DOCK1: variants seen among roughly 807,000 people sequenced by gnomAD.
DOCK1 encodes the protein dedicator of cytokinesis protein 1.
In DOCK1, 138 loss-of-function variants were observed where a neutral mutation model predicts 262.7. The observed-to-expected ratio is 0.53, with a 90% confidence interval of 0.46 to 0.61. The LOEUF (loss-of-function observed/expected upper bound fraction) is 0.61, where lower values mean the gene tolerates loss of function less well. Among genes scored for constraint, DOCK1 ranks in the 20% least tolerant of loss-of-function variants. The pLI, the probability that DOCK1 is intolerant of heterozygous loss-of-function variation, is 0.00. For missense variants in DOCK1, 1,908 were observed against 2,370.7 expected (o/e 0.80, Z 4.05); for synonymous variants, 866 against 867.4 (o/e 1.00, Z 0.03).
At chr10:127,344,811 C>T (rs571878798) in intron 31 of DOCK1, among the ~76,000 whole-genome samples, 7 of 151,998 alleles carry the variant, frequency 4.6e-5, no homozygotes, top group African/African-American at 7.3e-5. Context: ...CAGTGCACCA[C>T]GATCATACCT....
intron 29 of DOCK1, among the ~76,000 whole-genome samples, chr10:127,304,225 C>T (rs949131650): frequency 6.6e-6 from 1 of 152,142 alleles, no homozygotes; most frequent in African/African-American, 2.4e-5. Flanking sequence ...AGTCGGGGAA[C>T]CTCTTCCATC....
At chr10:127,289,617 C>G (rs955412643) in intron 29 of DOCK1, among the ~76,000 whole-genome samples, 4 of 152,188 alleles carry the variant, frequency 2.6e-5, no homozygotes, top group African/African-American at 7.2e-5. Flanking sequence ...ACCTTTCCAA[C>G]CTATTATGTT....
intron 47 of DOCK1, 96 bp from the exon 48 acceptor site, chr10:127,433,187 C>G (rs1297754076): frequency 6.6e-6 from 10 of 1,515,184 alleles, no homozygotes; most frequent in Non-Finnish European, 9.0e-6. Flanking sequence ...ATGATGGTCT[C>G]GATTCCACAC....
intron 29 of DOCK1, among the ~76,000 whole-genome samples, chr10:127,275,265 C>A (rs1229711641): frequency 6.6e-6 from 1 of 151,120 alleles, no homozygotes; most frequent in Non-Finnish European, 1.5e-5. Flanking sequence ...AAAAAAAAAA[C>A]ACAGGAGAGA....
rs1039124597 is a variant in DOCK1, at chr10:127,439,006, C to A, written c.5061-21C>A. ...GAAAGCAATTGCTCTCCTATTAAGA[C>A]GTCATTGACCTTTCCTTTAGGTTTG... On this transcript the variant is annotated intron_variant, in intron 48 of 51. Transcript: ENST00000623213. The A allele has an allele frequency of 7.1e-6, 11 of 1,540,632 alleles. No homozygotes were observed. In the Admixed American group the frequency reaches 8.2e-5, roughly 11 times the overall value.
chr10:127,008,894 A>G (rs1256943202), intron 11 of DOCK1, 90 bp downstream of exon 11: 8 of 1,157,584 alleles, frequency 6.9e-6, no homozygotes, highest in African/African-American at 3.1e-5. Flanking sequence ...ATGGATAAAC[A>G]TAACTAAGGA....
At chr10:127,381,759 T>C (rs2065838057) in intron 37 of DOCK1, among the ~76,000 whole-genome samples, 1 of 152,192 alleles carries the variant, frequency 6.6e-6, no homozygotes, top group Admixed American at 6.5e-5. Flanking sequence ...CCCCTAATTG[T>C]CTTAGTAAAG....
At chr10:126,956,761 T>C (rs971546041) in intron 1 of DOCK1, among the ~76,000 whole-genome samples, 63 of 152,274 alleles carry the variant, frequency 4.1e-4, no homozygotes, top group African/African-American at 1.5e-3. Context: ...GTGTTGCTTG[T>C]CAGGGCACAG....
chr10:127,323,517 T>G (rs1311916423), intron 29 of DOCK1, among the ~76,000 whole-genome samples: 3 of 152,228 alleles, frequency 2.0e-5, no homozygotes, highest in Admixed American at 6.5e-5. Context: ...AGGGTACTTT[T>G]GTGTAACACC....
At chr10:127,247,324 G>A (rs1386591731) in intron 27 of DOCK1, among the ~76,000 whole-genome samples, 3 of 152,004 alleles carry the variant, frequency 2.0e-5, no homozygotes, top group African/African-American at 7.2e-5. Context: ...TTGACATTCT[G>A]ATGAGCCCAC....
At chr10:126,949,670 A>G (rs2036014395) in intron 1 of DOCK1, among the ~76,000 whole-genome samples, 1 of 152,154 alleles carries the variant, frequency 6.6e-6, no homozygotes, top group Non-Finnish European at 1.5e-5. Flanking sequence ...TAGGCGTTTG[A>G]CTGATGCAGG....
intron 29 of DOCK1, among the ~76,000 whole-genome samples, chr10:127,319,135 C>T (rs2062411092): frequency 2.0e-5 from 3 of 152,170 alleles, no homozygotes. Flanking sequence ...AAGGATAAAA[C>T]CAAGAGAGAT....
chr10:127,364,568 G>A (rs1489468206), intron 33 of DOCK1, among the ~76,000 whole-genome samples: 1 of 152,212 alleles, frequency 6.6e-6, no homozygotes, highest in African/African-American at 2.4e-5. Context: ...GTTTCACCAC[G>A]TTGGCCAGGA....
At chr10:127,037,846 G>GTT (rs772802621) in intron 19 of DOCK1, 30 bp downstream of exon 19, 2 of 1,401,388 alleles carry the variant, frequency 1.4e-6, no homozygotes, top group South Asian at 1.4e-5. Flanking sequence ...GACTTTTTGG[G>GTT]TCTTTTTTTT....
chr10:127,351,221 G>T (rs1000357383), intron 31 of DOCK1, among the ~76,000 whole-genome samples: 2 of 152,086 alleles, frequency 1.3e-5, no homozygotes, highest in Non-Finnish European at 2.9e-5. Context: ...CCTCCTAAGC[G>T]TAGGTTCTCC....
chr10:126,988,798 C>T (rs886207683), intron 5 of DOCK1, among the ~76,000 whole-genome samples: 4 of 152,110 alleles, frequency 2.6e-5, no homozygotes, highest in Non-Finnish European at 4.4e-5. Context: ...ATGGGCTGGG[C>T]GCAGTGGCTT....
chr10:127,195,907 G>A (rs2057099649), intron 27 of DOCK1: 1 of 152,250 alleles, frequency 6.6e-6, no homozygotes, highest in Non-Finnish European at 1.5e-5. Flanking sequence ...GCCCGAATCG[G>A]GGTCGGCGCC....
intron 27 of DOCK1, among the ~76,000 whole-genome samples, chr10:127,211,693 C>A (rs1211136152): frequency 6.6e-6 from 1 of 152,142 alleles, no homozygotes; most frequent in East Asian, 1.9e-4. Context: ...TTTTTCTAAA[C>A]ATACTGAAAA....
intron 23 of DOCK1, among the ~76,000 whole-genome samples, chr10:127,079,565 A>G (rs1319439023): frequency 2.6e-5 from 4 of 152,220 alleles, no homozygotes; most frequent in Non-Finnish European, 4.4e-5. Context: ...TGTGGCAGTC[A>G]GTCTTTAGAA....
Sources: gnomAD v4.1 joint callset for allele counts (sites outside exome capture counted in the v4.1 genomes callset) on GRCh38, gnomAD v4.1.1 for gene constraint, MANE v1.5 for transcripts, NCBI Gene and HGNC (gene_info 2026-07-23, HGNC 2026-07-21) for gene names.